TNR: variants seen among roughly 807,000 people sequenced by gnomAD.
TNR encodes tenascin-R.
A neutral mutation model predicts 150.4 loss-of-function variants in TNR; 45 were observed. The ratio of observed to expected loss-of-function variants is 0.30; its 90% CI spans 0.24 to 0.38. TNR has a LOEUF of 0.38. Among genes scored for constraint, TNR ranks in the 10% least tolerant of loss-of-function variants. TNR has a pLI of 1.00. For synonymous variants in TNR, 687 were observed against 678.4 expected (o/e 1.01, Z -0.20); for missense variants, 1,544 against 1,759.1 (o/e 0.88, Z 2.19).
At chr1:175,419,508 A>G (rs1345845760) in intron 2 of TNR, among the ~76,000 whole-genome samples, 1 of 152,056 alleles carries the variant, frequency 6.6e-6, no homozygotes, top group Non-Finnish European at 1.5e-5. Flanking sequence ...TTATATCTGA[A>G]ATAACTTGTG....
At chr1:175,648,838 C>T (rs1238533750) in intron 1 of TNR, among the ~76,000 whole-genome samples, 1 of 152,192 alleles carries the variant, frequency 6.6e-6, no homozygotes, top group Admixed American at 6.5e-5. Flanking sequence ...GATGCTTAGC[C>T]TAAAGTCTCA....
At chr1:175,447,300 CG>C (rs1656099792) in intron 2 of TNR, among the ~76,000 whole-genome samples, 1 of 152,186 alleles carries the variant, frequency 6.6e-6, no homozygotes, top group South Asian at 2.1e-4. Flanking sequence ...TCTTCTTTCT[CG>C]GCCTTCCTCC....
intron 3 of TNR, among the ~76,000 whole-genome samples, chr1:175,404,879 GT>G (rs1303576503): frequency 2.0e-5 from 3 of 152,220 alleles, no homozygotes; most frequent in Admixed American, 2.0e-4. Flanking sequence ...TCTGCAGATT[GT>G]TTTATTTATA....
intron 1 of TNR, among the ~76,000 whole-genome samples, chr1:175,715,088 A>G (rs1455995217): frequency 1.3e-5 from 2 of 152,232 alleles, no homozygotes; most frequent in Non-Finnish European, 2.9e-5. Flanking sequence ...AAACAGACAC[A>G]TAAAAGCTCA....
chr1:175,335,627 A>G, intron 20 of TNR, 84 bp downstream of exon 20: 1 of 1,352,396 alleles, frequency 7.4e-7, no homozygotes, highest in Non-Finnish European at 1.0e-6. Context: ...AGGGTTTCTG[A>G]TAATCTCAGA....
intron 2 of TNR, among the ~76,000 whole-genome samples, chr1:175,512,192 G>T (rs78322755): frequency 0.011 from 1,712 of 152,304 alleles, 25 homozygotes; most frequent in African/African-American, 0.039. Flanking sequence ...TGGGGAAAGT[G>T]AGCCATTTAG....
intron 2 of TNR, among the ~76,000 whole-genome samples, chr1:175,523,750 T>C (rs1659736826): frequency 6.6e-6 from 1 of 152,188 alleles, no homozygotes; most frequent in African/African-American, 2.4e-5. Flanking sequence ...TCCTGAGTGA[T>C]CTTTCTAAAG....
chr1:175,349,630 G>A (rs530104760), intron 18 of TNR, among the ~76,000 whole-genome samples: 1 of 152,290 alleles, frequency 6.6e-6, no homozygotes, highest in South Asian at 2.1e-4. Flanking sequence ...TATGGAAGGT[G>A]GAAGAAGAGA....
chr1:175,562,488 A>G (rs1258962542), intron 1 of TNR, among the ~76,000 whole-genome samples: 1 of 152,256 alleles, frequency 6.6e-6, no homozygotes, highest in Non-Finnish European at 1.5e-5. Context: ...AATAGAGATA[A>G]ATGTAAAATG....
chr1:175,613,004 C>A (rs1275168700), intron 1 of TNR, among the ~76,000 whole-genome samples: 1 of 152,092 alleles, frequency 6.6e-6, no homozygotes, highest in Non-Finnish European at 1.5e-5. Context: ...CCTTGAAAGA[C>A]CTTAAAAAAT....
chr1:175,718,639 T>A (rs1667220935), intron 1 of TNR, among the ~76,000 whole-genome samples: 1 of 152,132 alleles, frequency 6.6e-6, no homozygotes, highest in African/African-American at 2.4e-5. Flanking sequence ...TCTCATTCCA[T>A]CCTAAATAGA....
intron 2 of TNR, among the ~76,000 whole-genome samples, chr1:175,448,037 G>A (rs1006101227): frequency 2.0e-5 from 3 of 151,978 alleles, no homozygotes; most frequent in African/African-American, 4.8e-5. Flanking sequence ...ATAGACTTCC[G>A]GATTCACTGT....
chr1:175,568,664 A>T (rs1435720479), intron 1 of TNR, among the ~76,000 whole-genome samples: 1 of 152,108 alleles, frequency 6.6e-6, no homozygotes, highest in Non-Finnish European at 1.5e-5. Context: ...CAATTGCTGG[A>T]GCCCTGCAAG....
intron 18 of TNR, 97 bp downstream of exon 18, chr1:175,354,294 G>T: frequency 1.3e-6 from 2 of 1,487,090 alleles, no homozygotes; most frequent in Non-Finnish European, 1.8e-6. Flanking sequence ...GAGCTTTTTT[G>T]ATAAACTGCT....
chr1:175,595,827 T>A (rs554115308), intron 1 of TNR, among the ~76,000 whole-genome samples: 1 of 152,350 alleles, frequency 6.6e-6, no homozygotes, highest in South Asian at 2.1e-4. Flanking sequence ...TGATTGCTAG[T>A]GTGCTAGCAT....
chr1:175,362,537 C>T lies in TNR; in HGVS notation c.2854+126G>A, dbSNP rs1487975936. On this transcript the variant is annotated intron_variant, in intron 14 of 22. Transcript: ENST00000367674. ...AGAAATTGCAAATTGCCCTGCAAGA[C>T]ACAGTGAGTTGGAGGAGCACCCCGA... is the stretch of plus-strand genomic sequence containing the variant. The T allele has an allele frequency of 8.4e-6, 10 of 1,192,512 alleles. No homozygotes were observed. In the South Asian group the frequency reaches 1.5e-4, roughly 18 times the overall value. 73.9% of individuals were successfully genotyped at this position (1,192,512 alleles called of 1,614,324 possible). A position where few individuals can be genotyped will look rare whatever the true frequency, so the allele number is the denominator to read the frequency against.
chr1:175,540,483 G>A (rs1660459674), intron 1 of TNR, among the ~76,000 whole-genome samples: 1 of 152,096 alleles, frequency 6.6e-6, no homozygotes, highest in African/African-American at 2.4e-5. Flanking sequence ...AATTCTTATG[G>A]CTAAGGAAAG....
At chr1:175,670,039 A>G (rs1665647875) in intron 1 of TNR, among the ~76,000 whole-genome samples, 1 of 152,156 alleles carries the variant, frequency 6.6e-6, no homozygotes, top group African/African-American at 2.4e-5. Flanking sequence ...CCCAACCCAC[A>G]GCATGGCCTC....
chr1:175,440,744 C>G (rs1202817557), intron 2 of TNR, among the ~76,000 whole-genome samples: 6 of 152,040 alleles, frequency 3.9e-5, no homozygotes, highest in Non-Finnish European at 7.4e-5. Flanking sequence ...TCAGTAAGAT[C>G]TGTTAGTCCT....
Sources: gnomAD v4.1 joint callset for allele counts (sites outside exome capture counted in the v4.1 genomes callset) on GRCh38, gnomAD v4.1.1 for gene constraint, MANE v1.5 for transcripts, NCBI Gene and HGNC (gene_info 2026-07-23, HGNC 2026-07-21) for gene names.